Variants in TCF20 observed in about 807,000 individuals in gnomAD.
TCF20 encodes the protein transcription factor 20.
In TCF20, 3 loss-of-function variants were observed where a neutral mutation model predicts 148.6. The ratio of observed to expected loss-of-function variants is 0.02; its 90% CI spans 0.01 to 0.05. The LOEUF (loss-of-function observed/expected upper bound fraction) is 0.05. TCF20 is among the 10% of genes least tolerant of loss of function. The pLI is 1.00. For synonymous variants in TCF20, 1,049 were observed against 909.5 expected, an observed-to-expected ratio of 1.15 and a Z score of -2.76; for missense variants, 2,350 against 2,429.3, an observed-to-expected ratio of 0.97 and a Z score of 0.69.
At chr22:42,216,943 T>TA (rs1344286167) in intron 1 of TCF20, among the ~76,000 whole-genome samples, 1 of 152,086 alleles carries the variant, frequency 6.6e-6, no homozygotes, top group African/African-American at 2.4e-5. Flanking sequence ...ACCAATTACT[T>TA]AAAAAAACAA....
chr22:42,188,733 A>G (rs546213933), intron 2 of TCF20, among the ~76,000 whole-genome samples: 1 of 152,300 alleles, frequency 6.6e-6, no homozygotes, highest in East Asian at 1.9e-4. Context: ...GATGGTATCG[A>G]CTTCAGAAGT....
intron 1 of TCF20, among the ~76,000 whole-genome samples, chr22:42,323,654 G>A (rs947249824): frequency 1.3e-5 from 2 of 151,982 alleles, no homozygotes; most frequent in South Asian, 2.1e-4. Context: ...CAGGCTTGGA[G>A]AGCAGGAACC....
intron 1 of TCF20, among the ~76,000 whole-genome samples, chr22:42,238,910 G>A (rs908081532): frequency 2.6e-5 from 4 of 151,864 alleles, no homozygotes; most frequent in East Asian, 1.9e-4. Flanking sequence ...GAGGTCAGGA[G>A]ATTGAGACCA....
chr22:42,187,120 A>G (rs1937081658), intron 2 of TCF20, among the ~76,000 whole-genome samples: 1 of 152,158 alleles, frequency 6.6e-6, no homozygotes, highest in Non-Finnish European at 1.5e-5. Context: ...AATCTAGAAT[A>G]ATCTGCTGTG....
At chr22:42,246,589 A>G (rs1924926832) in intron 1 of TCF20, among the ~76,000 whole-genome samples, 1 of 152,216 alleles carries the variant, frequency 6.6e-6, no homozygotes, top group Non-Finnish European at 1.5e-5. Context: ...CATGTGTTCA[A>G]TGCACCGTAG....
In TCF20 at chr22:42,214,836, G is replaced by C; in HGVS notation, c.470C>G (p.Thr157Ser). The change falls in exon 2 of 6, where the codon ACT (threonine) becomes AGT (serine). Residue 157 changes from threonine (T) to serine (S), a missense_variant. Transcript: ENST00000677622. ...GGVSHYQQDY[T>S]GPFSPGSAQY... The stretch of plus-strand genomic sequence containing the variant: ...AGCACTCCCTGGAGAGAAAGGCCCA[G>C]TGTAATCCTGCTGATAATGTGACAC... 2 of 1,614,138 alleles carry C rather than the reference G, an allele frequency of 1.2e-6. No homozygotes were observed. The highest frequency in any genetic ancestry group is 1.7e-6 in the Non-Finnish European group (2 of 1,180,032).
chr22:42,298,921 A>G (rs1927282529), intron 1 of TCF20, among the ~76,000 whole-genome samples: 1 of 152,102 alleles, frequency 6.6e-6, no homozygotes, highest in Non-Finnish European at 1.5e-5. Flanking sequence ...AAGTCGGGGG[A>G]GGACGAGAGG....
intron 1 of TCF20, among the ~76,000 whole-genome samples, chr22:42,308,833 C>T (rs1927481187): frequency 1.3e-5 from 2 of 152,124 alleles, no homozygotes; most frequent in South Asian, 2.1e-4. Flanking sequence ...CTGTCGCTGG[C>T]CAGGTGATCA....
At chr22:42,303,508 C>T (rs1927375863) in intron 1 of TCF20, among the ~76,000 whole-genome samples, 1 of 152,250 alleles carries the variant, frequency 6.6e-6, no homozygotes, top group Admixed American at 6.5e-5. Context: ...GCTATTACAC[C>T]GTTTTCCAGC....
chr22:42,170,519 T>C (rs1936061018), intron 3 of TCF20, among the ~76,000 whole-genome samples: 1 of 145,744 alleles, frequency 6.9e-6, no homozygotes, highest in Non-Finnish European at 1.5e-5. Context: ...AAAAAACTAC[T>C]TGGGAGGCTG....
rs1221183396 is a variant in TCF20, at chr22:42,299,200, C to T, written c.-37+44279G>A. ...GCACGGGAGGATGGGGGCAAGGGGG[C>T]GGTAGGCAGACAGCAAGAGCAACCA... is the stretch of plus-strand genomic sequence containing the variant. On this transcript the variant is annotated intron_variant, in intron 1 of 1. Transcript: ENST00000515426. This position sits in a 1 kb window ranked among gnomAD's most constrained non-coding sequence, Gnocchi z 4.1. 2.0e-5 allele frequency among the ~76,000 whole-genome samples: 3 copies of T among 152,144 alleles called. No individual in the cohort carries two copies. The highest frequency in any genetic ancestry group is 4.4e-5 in the Non-Finnish European group (3 of 68,018).
intron 1 of TCF20, among the ~76,000 whole-genome samples, chr22:42,331,715 G>A (rs532553377): frequency 9.2e-5 from 14 of 152,366 alleles, no homozygotes; most frequent in African/African-American, 2.9e-4. Flanking sequence ...GCCAGGCACT[G>A]GGGGTGGTGC....
intron 3 of TCF20, among the ~76,000 whole-genome samples, chr22:42,174,722 T>A (rs570840181): frequency 8.7e-5 from 13 of 149,014 alleles, no homozygotes; most frequent in South Asian, 4.2e-4. Context: ...CAAAAAAAAT[T>A]TTTTTTTTTT....
intron 2 of TCF20, among the ~76,000 whole-genome samples, chr22:42,180,283 G>A (rs1404070005): frequency 6.6e-6 from 1 of 152,050 alleles, no homozygotes; most frequent in East Asian, 1.9e-4. Flanking sequence ...TGTGCAAATG[G>A]TATTTTTATA....
chr22:42,198,483 G>A (rs986588431), intron 2 of TCF20, among the ~76,000 whole-genome samples: 1 of 152,120 alleles, frequency 6.6e-6, no homozygotes, highest in Admixed American at 6.6e-5. Flanking sequence ...ATATAAAATA[G>A]CACAGTATTT....
At chr22:42,225,613 T>C (rs949007254) in intron 1 of TCF20, among the ~76,000 whole-genome samples, 3 of 112,444 alleles carry the variant, frequency 2.7e-5, no homozygotes, top group Non-Finnish European at 5.2e-5. Context: ...AGAGCGAGAC[T>C]CCGTCTCAAA....
At chr22:42,249,936 T>C (rs1207789986) in intron 1 of TCF20, among the ~76,000 whole-genome samples, 4 of 152,164 alleles carry the variant, frequency 2.6e-5, no homozygotes, top group Non-Finnish European at 5.9e-5. Context: ...CAACACTGAC[T>C]TCATGTGTAA....
At chr22:42,207,075 G>C (rs1051619898) in intron 2 of TCF20, among the ~76,000 whole-genome samples, 7 of 152,180 alleles carry the variant, frequency 4.6e-5, no homozygotes, top group African/African-American at 1.7e-4. Context: ...CACAGAGCTT[G>C]GGGAGGCCTC....
Position 42,214,587 on chromosome 22 carries a change from G to C in TCF20, c.719C>G (p.Ser240Cys), listed in dbSNP as rs1254170593. Residue 240 changes from serine (S) to cysteine (C), a missense_variant, in exon 2 of 6, where the codon TCC becomes TGC. Physicochemically the swap from Ser to Cys is moderately radical, Grantham distance 112. Transcript: ENST00000677622. ...AGGGAAGGAGGAGGAGGAGGAGGAG[G>C]AAGCAGAAGACTGATAGTGTTGGCC... ...QFGQHYQSSA[S>C]SSSSSSFPSP... 13 of 1,614,070 alleles carry C rather than the reference G, an allele frequency of 8.1e-6. No homozygotes were observed. The highest frequency in any genetic ancestry group is 1.1e-5 in the Non-Finnish European group (13 of 1,180,042).
Sources: allele counts gnomAD v4.1 joint callset (sites outside exome capture counted in the v4.1 genomes callset), GRCh38; gene constraint gnomAD v4.1.1; non-coding constraint Gnocchi (gnomAD v3.1); transcripts MANE v1.5; gene names NCBI Gene and HGNC (gene_info 2026-07-23, HGNC 2026-07-21).